Variants in INF2 observed in about 807,000 individuals in gnomAD.
The protein encoded by INF2 is inverted formin-2.
A neutral mutation model predicts 123.5 loss-of-function variants in INF2; 43 were observed. That is an observed-to-expected ratio of 0.35 (90% CI 0.27 to 0.45). The LOEUF is 0.45. INF2 is among the 20% of genes least tolerant of loss of function. The pLI is 1.00. For synonymous variants in INF2, 851 were observed against 745.0 expected, an observed-to-expected ratio of 1.14 and a Z score of -2.32; for missense variants, 1,453 against 1,682.7, an observed-to-expected ratio of 0.86 and a Z score of 2.39.
At chr14:104,691,740 C>T (rs1334615227) in intron 1 of INF2, among the ~76,000 whole-genome samples, 1 of 152,120 alleles carries the variant, frequency 6.6e-6, no homozygotes. Flanking sequence ...GGCACGGGCT[C>T]CCCGTCGCTG....
In INF2 at chr14:104,712,346, C is replaced by T. The variant is rs1013419064; in HGVS notation, c.2490-87C>T. 40 of 1,566,682 alleles carry T rather than the reference C, an allele frequency of 2.6e-5. No homozygotes were observed. The Admixed American group carries it at 7.1e-4, about 28-fold the overall frequency. The stretch of plus-strand genomic sequence containing the variant: ...AGCCTGCAGGGTGCACAGTGGGGTG[C>T]CGGGGGGTGCAGGGGAGGGGCTCCC... On this transcript the variant is annotated intron_variant, in intron 16 of 22. Coordinates refer to ENST00000392634, the MANE Select transcript of INF2 (RefSeq NM_022489.4).
chr14:104,693,813 A>G (rs1384489936), intron 1 of INF2, among the ~76,000 whole-genome samples: 1 of 152,196 alleles, frequency 6.6e-6, no homozygotes, highest in Non-Finnish European at 1.5e-5. Context: ...GCCCTGGGAC[A>G]TGGCCTCGGT....
chr14:104,715,596 G>A (rs1890263281), intron 22 of INF2: 1 of 603,450 alleles, frequency 1.7e-6, no homozygotes. Context: ...GGGCATGCGG[G>A]CCTCGAGAGG....
Position 104,707,525 on chromosome 14 carries a change from A to ACCCCCCCCCCCCCCCCCCCCCCCC in INF2, c.1262_1263insCCCCCCCCCCCCCCCCCCCCCCCC (p.Pro421_Pro428dup). 1.5e-6 allele frequency: 2 copies of ACCCCCCCCCCCCCCCCCCCCCCCC among 1,379,220 alleles called. No homozygotes were observed. The highest frequency in any genetic ancestry group is 1.2e-5 in the South Asian group (1 of 80,584). The allele number at this position is 1,379,220 out of a possible 1,614,324, so 85.4% of individuals were successfully genotyped here. ...CAGAGCCCTGGAGCAGCAGGCGTCCACCCCACCCCCACCCCCACCCCCACC... is the reference window on the plus strand; with the variant it reads ...CAGAGCCCTGGAGCAGCAGGCGTCCACCCCCCCCCCCCCCCCCCCCCCCCCCCCACCCCCACCCCCACCCCCACC... On this transcript the variant is annotated inframe_insertion, in exon 8 of 23. Coordinates refer to ENST00000392634, the MANE Select transcript of INF2 (RefSeq NM_022489.4).
At chr14:104,708,092 T>G (rs1050633533) in intron 8 of INF2, 90 bp downstream of exon 8, 3 of 1,576,962 alleles carry the variant, frequency 1.9e-6, no homozygotes, top group Non-Finnish European at 2.6e-6. Context: ...ATGGAACTTG[T>G]GTGCGCGTCC....
rs1174353405 is a variant in INF2, at chr14:104,689,690, C to T, written c.-59C>T. On this transcript the variant is annotated 5_prime_UTR_variant, in exon 1 of 23. Transcript: ENST00000392634. ...GCTGCCCGCAGCCCCTGACCCGGCC[C>T]CGGACGGAGCGCCGGCCGCACCACC... The T allele has an allele frequency of 2.0e-6, 2 of 984,778 alleles. No individual in the cohort carries two copies. 61.0% of individuals were successfully genotyped at this position (984,778 alleles called of 1,614,324 possible). A position where few individuals can be genotyped will look rare whatever the true frequency, so the allele number is the denominator to read the frequency against.
Position 104,714,212 on chromosome 14 carries a change from G to T in INF2, c.3050G>T (p.Ser1017Ile). The change falls in exon 21 of 23, where the codon AGT (serine) becomes ATT (isoleucine). Residue 1017 changes from serine (S) to isoleucine (I), a missense_variant. Ser to Ile is a moderately radical substitution (Grantham distance 142). Coordinates refer to ENST00000392634, the MANE Select transcript of INF2 (RefSeq NM_022489.4). ...GTGTCCCTCCATCCAGTGGCCACCA[G>T]TAACCCTGCAGGAGATCCCGTGGGC... ...PPRATEPVATSNPAGDPVGST... is the reference protein window; with the variant it reads ...PPRATEPVATINPAGDPVGST... 1 of 1,533,256 alleles carries T rather than the reference G, an allele frequency of 6.5e-7. No individual in the cohort carries two copies. The allele number at this position is 1,533,256 out of a possible 1,614,324, so 95.0% of individuals were successfully genotyped here.
At chr14:104,706,248 C>T in intron 6 of INF2, 72 bp downstream of exon 6, 1 of 1,460,936 alleles carries the variant, frequency 6.8e-7, no homozygotes, top group Non-Finnish European at 9.2e-7. Context: ...AGAGGCTGGG[C>T]CTGGAACGGT....
rs372720253 is a variant in INF2 at position 104,711,621 on chromosome 14, C to A, written c.2419-8C>A. On this transcript the variant is annotated splice_polypyrimidine_tract_variant and splice_region_variant and intron_variant, in intron 15 of 22. Coordinates refer to ENST00000392634, the MANE Select transcript of INF2 (RefSeq NM_022489.4). ...ACAGTGGATCTCACTGGACGTGTCC[C>A]ATTGCAGGAAGCGGAAAAGAGCCAC... is the stretch of plus-strand genomic sequence containing the variant. 41 of 1,612,182 alleles carry A rather than the reference C, an allele frequency of 2.5e-5. No homozygotes were observed. Among genetic ancestry groups the A allele is most frequent in the Non-Finnish European group, 3.4e-5 (40 of 1,179,506 alleles).
intron 22 of INF2, among the ~76,000 whole-genome samples, chr14:104,716,991 C>T (rs1890328445): frequency 6.6e-6 from 1 of 152,236 alleles, no homozygotes; most frequent in Non-Finnish European, 1.5e-5. Flanking sequence ...CGTGCCCAGC[C>T]CCCACCTTTT....
At chr14:104,713,627 C>G in intron 20 of INF2, 21 bp downstream of exon 20, 1 of 1,609,720 alleles carries the variant, frequency 6.2e-7, no homozygotes, top group South Asian at 1.1e-5. Context: ...CTCCCACTGC[C>G]TCCTCATGGT....
intron 1 of INF2, among the ~76,000 whole-genome samples, chr14:104,698,338 C>G (rs58781996): frequency 0.082 from 12,454 of 152,304 alleles, 1,361 homozygotes; most frequent in African/African-American, 0.25. Context: ...ACACCACCCC[C>G]CAGTGAGAAC....
intron 5 of INF2, chr14:104,704,768 A>G (rs1237092792): frequency 6.6e-6 from 1 of 152,222 alleles, no homozygotes; most frequent in African/African-American, 2.4e-5. Flanking sequence ...AAACACGCAC[A>G]TGTACCCCCG....
At chr14:104,702,530 G>A (rs1226622785) in intron 2 of INF2, among the ~76,000 whole-genome samples, 1 of 151,728 alleles carries the variant, frequency 6.6e-6, no homozygotes, top group Non-Finnish European at 1.5e-5. Context: ...AGCTAGGGTG[G>A]GCAGTGATGG....
Position 104,721,603 on chromosome 14 carries a change from T to G in INF2, c.*2810T>G, listed in dbSNP as rs936356625. 1.3e-5 allele frequency: 2 copies of G among 153,634 alleles called. No individual in the cohort carries two copies. Among genetic ancestry groups the G allele is most frequent in the African/African-American group, 4.8e-5 (2 of 41,478 alleles). The allele number at this position is 153,634 out of a possible 1,614,324, so 9.5% of individuals were successfully genotyped here. A position where few individuals can be genotyped will look rare whatever the true frequency, so the allele number is the denominator to read the frequency against. On this transcript the variant is annotated 3_prime_UTR_variant, in exon 23 of 23. Transcript: ENST00000392634. ...TCCCATCCATGCTATTGTTTTTCAG[T>G]TAAATAGCTCCACTCCTCCCCCTCC... is the stretch of plus-strand genomic sequence containing the variant.
chr14:104,715,188 G>A (rs1890238966), intron 21 of INF2, 96 bp from the exon 22 acceptor site: 1 of 1,206,334 alleles, frequency 8.3e-7, no homozygotes, highest in Non-Finnish European at 1.2e-6. Context: ...GAGGGTGTTG[G>A]CATGGCTGTC....
intron 22 of INF2, among the ~76,000 whole-genome samples, chr14:104,716,674 T>C (rs1202443885): frequency 6.6e-6 from 1 of 152,180 alleles, no homozygotes; most frequent in Non-Finnish European, 1.5e-5. Flanking sequence ...AGAAGTCCTC[T>C]TCTCTCCCCA....
chr14:104,685,395 A>G (rs990675215), upstream of INF2, among the ~76,000 whole-genome samples: 12 of 152,268 alleles, frequency 7.9e-5, no homozygotes, highest in Admixed American at 7.2e-4. Flanking sequence ...GAGGCTCCAC[A>G]AGGGGCTGCT....
At chr14:104,698,665 G>A (rs555025216) in intron 1 of INF2, among the ~76,000 whole-genome samples, 5 of 152,358 alleles carry the variant, frequency 3.3e-5, no homozygotes, top group South Asian at 2.1e-4. Context: ...TGGTCTGGCC[G>A]TGGTGTGTTT....
Sources: allele counts gnomAD v4.1 joint callset (sites outside exome capture counted in the v4.1 genomes callset), GRCh38; gene constraint gnomAD v4.1.1; transcripts MANE v1.5; gene names NCBI Gene and HGNC (gene_info 2026-07-23, HGNC 2026-07-21).